Variants in STRN3 observed in about 807,000 individuals in gnomAD.
STRN3 encodes striatin-3.
STRN3 carries 29 observed loss-of-function variants against 95.6 expected under a neutral mutation model. The observed-to-expected ratio is 0.30, with a 90% CI of 0.23 to 0.41. STRN3 has a LOEUF of 0.41. Among genes scored for constraint, STRN3 ranks in the 10% least tolerant of loss-of-function variants. The probability of loss-of-function intolerance (pLI) is 1.00; values close to 1 mark genes in which losing one functional copy is unlikely to be tolerated. For missense variants in STRN3, 890 were observed against 972.1 expected, an observed-to-expected ratio of 0.92 and a Z score of 1.12; for synonymous variants, 331 against 357.6, an observed-to-expected ratio of 0.93 and a Z score of 0.84.
intron 5 of STRN3, among the ~76,000 whole-genome samples, chr14:30,937,129 G>A (rs922492949): frequency 2.0e-5 from 3 of 151,942 alleles, no homozygotes; most frequent in Non-Finnish European, 2.9e-5. Context: ...ACACCATCCT[G>A]GGCAACACAG....
intron 1 of STRN3, among the ~76,000 whole-genome samples, chr14:30,977,052 C>A (rs905425956): frequency 6.6e-6 from 1 of 151,984 alleles, no homozygotes; most frequent in Non-Finnish European, 1.5e-5. Context: ...TGGTGAAACC[C>A]TGTCTCTACT....
chr14:31,004,117 C>A (rs1882605179), intron 1 of STRN3, among the ~76,000 whole-genome samples: 1 of 151,906 alleles, frequency 6.6e-6, no homozygotes, highest in Non-Finnish European at 1.5e-5. Flanking sequence ...AACCCCATCT[C>A]TACAAAAAAT....
At chr14:30,911,865 T>C (rs893746526) in intron 11 of STRN3, 41 bp from the exon 12 acceptor site, 1 of 1,583,340 alleles carries the variant, frequency 6.3e-7, no homozygotes, top group Non-Finnish European at 8.6e-7. Flanking sequence ...AGAAGGCAAT[T>C]AAATAACTAT....
chr14:31,024,964 TC>T (rs1482250443), intron 1 of STRN3: 1 of 152,206 alleles, frequency 6.6e-6, no homozygotes, highest in African/African-American at 2.4e-5. Flanking sequence ...ACCAACAGCT[TC>T]CAAATGTGCA....
At chr14:30,946,997 A>AT in intron 5 of STRN3, 93 bp downstream of exon 5, 29 of 859,102 alleles carry the variant, frequency 3.4e-5, no homozygotes, top group Non-Finnish European at 4.6e-5. Flanking sequence ...AAAAAAAAAA[A>AT]GTTCTTAATG....
intron 3 of STRN3, among the ~76,000 whole-genome samples, chr14:30,952,423 G>A (rs12883240): frequency 1.3e-5 from 2 of 151,930 alleles, no homozygotes; most frequent in East Asian, 3.9e-4. Flanking sequence ...CTCTGGCTGG[G>A]AACAGTGGCT....
intron 1 of STRN3, among the ~76,000 whole-genome samples, chr14:31,001,801 G>A (rs1380623198): frequency 2.0e-5 from 3 of 151,942 alleles, no homozygotes; most frequent in East Asian, 1.9e-4. Flanking sequence ...CAAGGCAGGC[G>A]GATCACCTGA....
In STRN3 at chr14:31,025,790, A is replaced by T. The variant is rs1037267519; in HGVS notation, c.282+114T>A. 2.8e-6 allele frequency: 4 copies of T among 1,406,102 alleles called. No individual in the cohort carries two copies. In the African/African-American group the frequency reaches 5.7e-5, roughly 20 times the overall value. 87.1% of individuals were successfully genotyped at this position (1,406,102 alleles called of 1,614,324 possible). On this transcript the variant is annotated intron_variant, in intron 1 of 17. Transcript: ENST00000357479. ...CCATCACAACCTGAGCAGCACAGGT[A>T]GGTTCCGCTCGGCCTCCCAAGGCGC...
At position 30,895,329 on chromosome 14, in the gene STRN3, T is replaced by C. The variant is rs1896112806; in HGVS notation, c.*82A>G. 1.4e-6 allele frequency: 2 copies of C among 1,393,830 alleles called. No homozygotes were observed. The highest frequency in any genetic ancestry group is 1.4e-5 in the African/African-American group (1 of 69,676). 86.3% of individuals were successfully genotyped at this position (1,393,830 alleles called of 1,614,324 possible). A position where few individuals can be genotyped will look rare whatever the true frequency, so the allele number is the denominator to read the frequency against. The stretch of plus-strand genomic sequence containing the variant: ...ACCAGGCAGATCACATGTAGTGTCA[T>C]ATCAGTAACCTTTCTGATGGCAGTG... On this transcript the variant is annotated 3_prime_UTR_variant, in exon 18 of 18. Coordinates refer to ENST00000357479, the MANE Select transcript of STRN3 (RefSeq NM_001083893.2).
intron 16 of STRN3, among the ~76,000 whole-genome samples, chr14:30,900,127 G>A (rs1896265085): frequency 1.3e-5 from 2 of 152,238 alleles, no homozygotes; most frequent in Admixed American, 1.3e-4. Flanking sequence ...GGAGGCCAAG[G>A]TGGGCGGATC....
At chr14:30,951,244 CT>C (rs907904850) in intron 3 of STRN3, among the ~76,000 whole-genome samples, 3 of 150,966 alleles carry the variant, frequency 2.0e-5, no homozygotes, top group Middle Eastern at 3.4e-3. Flanking sequence ...GATTTTTTCT[CT>C]TTTTTTTTGA....
chr14:30,949,969 T>C (rs992303015), intron 4 of STRN3, among the ~76,000 whole-genome samples: 1 of 151,988 alleles, frequency 6.6e-6, no homozygotes, highest in Non-Finnish European at 1.5e-5. Context: ...GAGACAGACA[T>C]AGTGAACAAG....
chr14:30,960,113 T>C (rs1880115952), intron 1 of STRN3, among the ~76,000 whole-genome samples: 2 of 151,828 alleles, frequency 1.3e-5, no homozygotes, highest in South Asian at 4.2e-4. Context: ...CCTAGCACTC[T>C]GGGAGGCTGA....
intron 16 of STRN3, among the ~76,000 whole-genome samples, chr14:30,898,648 G>C (rs1458949135): frequency 6.6e-6 from 1 of 152,164 alleles, no homozygotes; most frequent in Non-Finnish European, 1.5e-5. Context: ...ACCCCTTCCA[G>C]TAACGAGGAC....
chr14:30,956,860 T>C (rs975924876), intron 1 of STRN3, among the ~76,000 whole-genome samples: 1 of 152,196 alleles, frequency 6.6e-6, no homozygotes, highest in African/African-American at 2.4e-5. Flanking sequence ...CTTGAAATAC[T>C]AGAAAATTTA....
chr14:30,925,631 G>GT (rs1897008915), intron 8 of STRN3, among the ~76,000 whole-genome samples: 1 of 152,054 alleles, frequency 6.6e-6, no homozygotes, highest in Non-Finnish European at 1.5e-5. Flanking sequence ...ACACAGTAGG[G>GT]TGACTACAGC....
chr14:30,978,439 T>C (rs1231201182), intron 1 of STRN3, among the ~76,000 whole-genome samples: 3 of 152,100 alleles, frequency 2.0e-5, no homozygotes, highest in South Asian at 4.1e-4. Context: ...AAACTCTCAA[T>C]AAACAGGAAT....
intron 1 of STRN3, among the ~76,000 whole-genome samples, chr14:31,017,107 T>C (rs1883275132): frequency 6.6e-6 from 1 of 151,436 alleles, no homozygotes; most frequent in South Asian, 2.1e-4. Flanking sequence ...TGAGCAGTGA[T>C]TGTTTTACTG....
intron 1 of STRN3, among the ~76,000 whole-genome samples, chr14:31,012,546 G>A (rs546222054): frequency 1.3e-5 from 2 of 152,070 alleles, no homozygotes; most frequent in East Asian, 3.9e-4. Flanking sequence ...TAGTGGATTA[G>A]GTGGATCAAC....
Sources: allele counts gnomAD v4.1 joint callset (sites outside exome capture counted in the v4.1 genomes callset), GRCh38; gene constraint gnomAD v4.1.1; transcripts MANE v1.5; gene names NCBI Gene and HGNC (gene_info 2026-07-23, HGNC 2026-07-21).